DSCAML1: variants seen among roughly 807,000 people sequenced by gnomAD.
The protein encoded by DSCAML1 is cell adhesion molecule DSCAML1.
Under a neutral mutation model 200.5 loss-of-function variants are expected in DSCAML1, and 38 were observed. The observed-to-expected ratio is 0.19, with a 90% CI of 0.15 to 0.25. DSCAML1 has a LOEUF of 0.25. DSCAML1 is among the 10% of genes least tolerant of loss of function. The pLI is 1.00. For synonymous variants in DSCAML1, 1,215 were observed against 1,165.0 expected (o/e 1.04, Z -0.87); for missense variants, 2,223 against 2,858.8 (o/e 0.78, Z 5.07).
chr11:117,510,096 T>C (rs1047064727), intron 8 of DSCAML1, among the ~76,000 whole-genome samples: 3 of 152,190 alleles, frequency 2.0e-5, no homozygotes, highest in Non-Finnish European at 4.4e-5. Flanking sequence ...CCATAAAGCT[T>C]TTATGGCCAC....
At chr11:117,438,219 T>A (rs1012514511) in intron 24 of DSCAML1, 136 bp from the exon 25 acceptor site, 6 of 817,634 alleles carry the variant, frequency 7.3e-6, no homozygotes, top group Non-Finnish European at 1.1e-5. Flanking sequence ...AACGGGCATA[T>A]GCTCCTTAGA....
At chr11:117,816,723 C>A (rs1448247823) in intron 1 of DSCAML1, among the ~76,000 whole-genome samples, 1 of 149,904 alleles carries the variant, frequency 6.7e-6, no homozygotes, top group Non-Finnish European at 1.5e-5. Context: ...CTAGACGCAG[C>A]GCCAGTGGAG....
At chr11:117,502,739 A>G (rs1323919106) in intron 11 of DSCAML1, among the ~76,000 whole-genome samples, 1 of 152,178 alleles carries the variant, frequency 6.6e-6, no homozygotes, top group Non-Finnish European at 1.5e-5. Flanking sequence ...AAAGCTGGCC[A>G]GGTCATGAAA....
At chr11:117,494,349 T>C (rs2049250790) in intron 11 of DSCAML1, among the ~76,000 whole-genome samples, 1 of 152,352 alleles carries the variant, frequency 6.6e-6, no homozygotes, top group South Asian at 2.1e-4. Flanking sequence ...GTGGCTGGCT[T>C]CCAGTTACAT....
rs948297746 is a variant in DSCAML1, at chr11:117,481,934, T to G, written c.2559+29A>C. ...GCTCCCCACTCTCTGAGAGTTGGGG[T>G]CCCCCAGCACTGAGGTGGGGGTGCT... On this transcript the variant is annotated intron_variant, in intron 12 of 32. Coordinates refer to ENST00000651296, the MANE Select transcript of DSCAML1 (RefSeq NM_020693.4). The G allele has an allele frequency of 1.9e-6, 3 of 1,611,784 alleles. No individual in the cohort carries two copies. The African/African-American group carries it at 4.0e-5, about 22-fold the overall frequency.
At chr11:117,697,749 T>C (rs117626904) in intron 3 of DSCAML1, among the ~76,000 whole-genome samples, 5,120 of 151,858 alleles carry the variant, frequency 0.034, 123 homozygotes, top group Non-Finnish European at 0.053. Context: ...GTTTTATCCA[T>C]GTTGTAGGAT....
intron 3 of DSCAML1, among the ~76,000 whole-genome samples, chr11:117,560,069 G>C (rs2050633604): frequency 1.3e-5 from 2 of 152,122 alleles, no homozygotes; most frequent in South Asian, 2.1e-4. Flanking sequence ...GGATGAGGGT[G>C]TGATGGGGCA....
intron 30 of DSCAML1, 131 bp downstream of exon 30, chr11:117,432,221 T>C (rs1705539121): frequency 1.8e-6 from 2 of 1,095,518 alleles, no homozygotes; most frequent in Non-Finnish European, 1.3e-6. Flanking sequence ...CTCATTCCAG[T>C]GCTTTCCATT....
chr11:117,665,440 C>T (rs1591377621), intron 3 of DSCAML1, among the ~76,000 whole-genome samples: 1 of 152,152 alleles, frequency 6.6e-6, no homozygotes, highest in East Asian at 1.9e-4. Context: ...GTCTAAGAGC[C>T]GAGTGCGTAC....
intron 3 of DSCAML1, among the ~76,000 whole-genome samples, chr11:117,754,422 C>T (rs555766158): frequency 2.2e-4 from 33 of 152,110 alleles, no homozygotes; most frequent in Admixed American, 1.8e-3. Context: ...TGACTGTCAC[C>T]TGAGCTATGA....
intron 3 of DSCAML1, among the ~76,000 whole-genome samples, chr11:117,641,933 C>T (rs1241967840): frequency 6.6e-6 from 1 of 152,094 alleles, no homozygotes; most frequent in Non-Finnish European, 1.5e-5. Flanking sequence ...GACTCAGGGA[C>T]CTCATGGTAC....
chr11:117,430,342 T>C (rs1309042485), intron 32 of DSCAML1, among the ~76,000 whole-genome samples: 1 of 152,248 alleles, frequency 6.6e-6, no homozygotes, highest in Non-Finnish European at 1.5e-5. Context: ...GTTTCCATCC[T>C]GGCACAGCTT....
rs532619097 is a variant in DSCAML1, at chr11:117,509,414, C to T, written c.1784-3682G>A. ...GTTAAACATGCAGCTGGGCTGGTCC[C>T]GCGCTCCCAGAGGGCTGTTGGGAGG... On this transcript the variant is annotated intron_variant, in intron 8 of 32. Transcript: ENST00000651296. Among the ~76,000 whole-genome samples the T allele has an allele frequency of 1.4e-4, 22 of 152,260 alleles. No individual in the cohort carries two copies. The South Asian group carries it at 3.9e-3, about 27-fold the overall frequency.
intron 19 of DSCAML1, among the ~76,000 whole-genome samples, chr11:117,451,004 C>T (rs2048271808): frequency 6.6e-6 from 1 of 152,164 alleles, no homozygotes. Context: ...ATCTTGATCC[C>T]TCTGACCTTA....
chr11:117,538,117 C>T (rs565421399), intron 3 of DSCAML1, among the ~76,000 whole-genome samples: 65 of 152,298 alleles, frequency 4.3e-4, no homozygotes, highest in African/African-American at 1.5e-3. Flanking sequence ...CTCTGAATCT[C>T]TGAGGGTGTG....
chr11:117,500,708 CT>C (rs1224692301), intron 11 of DSCAML1, among the ~76,000 whole-genome samples: 1 of 152,198 alleles, frequency 6.6e-6, no homozygotes, highest in Non-Finnish European at 1.5e-5. Flanking sequence ...TAAGTGAGTG[CT>C]GAGTTATCAC....
intron 11 of DSCAML1, among the ~76,000 whole-genome samples, chr11:117,501,518 C>T (rs2049394856): frequency 6.6e-6 from 1 of 152,190 alleles, no homozygotes; most frequent in Non-Finnish European, 1.5e-5. Context: ...ATGTCCTTGG[C>T]CCTGCCTCTT....
intron 3 of DSCAML1, among the ~76,000 whole-genome samples, chr11:117,721,699 A>C (rs2137796640): frequency 6.8e-6 from 1 of 147,304 alleles, no homozygotes; most frequent in Non-Finnish European, 1.5e-5. Flanking sequence ...TTATATATAA[A>C]AATGTTTATA....
intron 4 of DSCAML1, among the ~76,000 whole-genome samples, chr11:117,531,889 G>A (rs11216438): frequency 0.64 from 90,387 of 141,192 alleles, 28,787 homozygotes; most frequent in African/African-American, 0.77. Flanking sequence ...TCCGTCTCAG[G>A]AAAAAGAAAG....
Sources: allele counts gnomAD v4.1 joint callset (sites outside exome capture counted in the v4.1 genomes callset), GRCh38; gene constraint gnomAD v4.1.1; transcripts MANE v1.5; gene names NCBI Gene and HGNC (gene_info 2026-07-23, HGNC 2026-07-21).